The following FGD6 variants were observed in gnomAD, a reference collection of about 807,000 sequenced individuals.
FGD6 encodes the protein FYVE, RhoGEF and PH domain containing 6, also known as FYVE, RhoGEF and PH domain-containing protein 6.
A neutral mutation model predicts 149.4 loss-of-function variants in FGD6; 90 were observed. That is an observed-to-expected ratio of 0.60 (90% CI 0.51 to 0.72). FGD6 has a LOEUF of 0.72. FGD6 is among the 30% of genes least tolerant of loss of function. FGD6 has a pLI of 0.00. For missense variants in FGD6, 1,437 were observed against 1,684.8 expected (o/e 0.85, Z 2.57); for synonymous variants, 527 against 584.0 (o/e 0.90, Z 1.41).
At chr12:95,175,408 G>A (rs751567727) in intron 2 of FGD6, among the ~76,000 whole-genome samples, 1 of 152,052 alleles carries the variant, frequency 6.6e-6, no homozygotes, top group Non-Finnish European at 1.5e-5. Context: ...CCTGAACCAG[G>A]GTGGCTACAT....
chr12:95,167,642 T>C (rs1176541412), intron 3 of FGD6, among the ~76,000 whole-genome samples: 1 of 149,276 alleles, frequency 6.7e-6, no homozygotes, highest in Non-Finnish European at 1.5e-5. Flanking sequence ...TGGTGTGATC[T>C]CGGCTCACTG....
At chr12:95,090,536 C>G (rs1477426704) in intron 17 of FGD6, among the ~76,000 whole-genome samples, 1 of 152,042 alleles carries the variant, frequency 6.6e-6, no homozygotes, top group Non-Finnish European at 1.5e-5. Flanking sequence ...ATAAAATTGA[C>G]AAGAGTTACT....
Position 95,081,442 on chromosome 12 carries a change from C to G in FGD6, c.*78G>C. On this transcript the variant is annotated 3_prime_UTR_variant, in exon 21 of 21. Coordinates refer to ENST00000343958, the MANE Select transcript of FGD6 (RefSeq NM_018351.4). Reference sequence around the variant, plus strand: ...TATCTTGGCAGTGTTCATTTTTATACAATTTTTGAATTGCATTTACTCCAT... The same window carrying G: ...TATCTTGGCAGTGTTCATTTTTATAGAATTTTTGAATTGCATTTACTCCAT... 4 of 1,292,662 alleles carry G rather than the reference C, an allele frequency of 3.1e-6. No homozygotes were observed. The highest frequency in any genetic ancestry group is 4.2e-6 in the Non-Finnish European group (4 of 952,866). 80.1% of individuals were successfully genotyped at this position (1,292,662 alleles called of 1,614,324 possible).
intron 14 of FGD6, among the ~76,000 whole-genome samples, chr12:95,098,524 C>T (rs989222113): frequency 6.6e-5 from 10 of 152,282 alleles, no homozygotes; most frequent in African/African-American, 2.2e-4. Context: ...TTCTTGAGCT[C>T]GTGCCACACT....
chr12:95,112,673 C>T (rs746904752), intron 9 of FGD6, among the ~76,000 whole-genome samples: 4 of 152,216 alleles, frequency 2.6e-5, no homozygotes, highest in Admixed American at 6.5e-5. Flanking sequence ...AACACCCAAA[C>T]AGAATTAATC....
At chr12:95,113,407 A>AT (rs951556331) in intron 9 of FGD6, among the ~76,000 whole-genome samples, 4 of 150,812 alleles carry the variant, frequency 2.7e-5, no homozygotes, top group East Asian at 1.9e-4. Context: ...TAGTTTTTGT[A>AT]TTTTTTTTAG....
At chr12:95,097,665 T>C (rs1268737011) in intron 14 of FGD6, among the ~76,000 whole-genome samples, 1 of 132,936 alleles carries the variant, frequency 7.5e-6, no homozygotes, top group Non-Finnish European at 1.6e-5. Flanking sequence ...AAAAAGACCA[T>C]GCCACACCAT....
chr12:95,082,414 T>G (rs1306799358), intron 20 of FGD6, among the ~76,000 whole-genome samples: 2 of 151,922 alleles, frequency 1.3e-5, no homozygotes, highest in Non-Finnish European at 2.9e-5. Context: ...TCCCAGTACT[T>G]TGGGAGGCTG....
At chr12:95,203,413 A>G (rs1209178105) in intron 2 of FGD6, among the ~76,000 whole-genome samples, 2 of 152,110 alleles carry the variant, frequency 1.3e-5, no homozygotes, top group East Asian at 3.8e-4. Flanking sequence ...CTCCAACAGT[A>G]CCACTAAAAC....
At chr12:95,191,265 C>T (rs541732645) in intron 2 of FGD6, among the ~76,000 whole-genome samples, 12 of 152,266 alleles carry the variant, frequency 7.9e-5, no homozygotes, top group African/African-American at 2.4e-4. Flanking sequence ...TCCCACAATA[C>T]GGAAGGATGC....
rs911714148 is a variant in FGD6, at chr12:95,208,903, T to C, written c.2381A>G (p.Glu794Gly). The change falls in exon 2 of 21, where the codon GAA becomes GGA. Residue 794 changes from glutamate (E) to glycine (G), a missense_variant. Physicochemically the swap from Glu to Gly is moderately conservative, Grantham distance 98. This residue lies in a region of FGD6 where 1,055 missense variants were observed against 1,146.0 expected (regional missense o/e 0.92). Coordinates refer to ENST00000343958, the MANE Select transcript of FGD6 (RefSeq NM_018351.4). ...EDADANVYEV[E>G]EPYEAPDGQL... ...GCCATCTGGAGCTTCATACGGCTCT[T>C]CTACCTCATACACATTTGCATCAGC... 1 of 1,614,004 alleles carries C rather than the reference T, an allele frequency of 6.2e-7. No homozygotes were observed. The highest frequency in any genetic ancestry group is 1.7e-5 in the Admixed American group (1 of 59,978).
At chr12:95,174,859 G>A (rs762085904) in intron 2 of FGD6, among the ~76,000 whole-genome samples, 6 of 142,888 alleles carry the variant, frequency 4.2e-5, no homozygotes, top group Non-Finnish European at 7.5e-5. Flanking sequence ...CCCGGGAGGC[G>A]GAGCTTGCAG....
chr12:95,187,112 A>C (rs971675992), intron 2 of FGD6, among the ~76,000 whole-genome samples: 5 of 151,908 alleles, frequency 3.3e-5, no homozygotes, highest in African/African-American at 1.2e-4. Flanking sequence ...CGGGCAGATC[A>C]TGAGGTTAGG....
intron 14 of FGD6, among the ~76,000 whole-genome samples, chr12:95,097,054 C>G (rs1187573629): frequency 6.6e-6 from 1 of 152,186 alleles, no homozygotes; most frequent in East Asian, 1.9e-4. Context: ...ATATGCTGTT[C>G]TTTCATTTAA....
At chr12:95,202,202 C>A (rs1262466461) in intron 2 of FGD6, among the ~76,000 whole-genome samples, 2 of 151,836 alleles carry the variant, frequency 1.3e-5, no homozygotes, top group Non-Finnish European at 2.9e-5. Flanking sequence ...GCCTGGCCAA[C>A]ATGGTGAAAC....
intron 2 of FGD6, among the ~76,000 whole-genome samples, chr12:95,191,393 C>A (rs1170554562): frequency 6.6e-6 from 1 of 152,180 alleles, no homozygotes; most frequent in Non-Finnish European, 1.5e-5. Flanking sequence ...TAATTGCTTT[C>A]CAAAATTAAC....
chr12:95,136,350 T>G (rs993404477), intron 7 of FGD6, among the ~76,000 whole-genome samples: 1 of 151,996 alleles, frequency 6.6e-6, no homozygotes, highest in African/African-American at 2.4e-5. Flanking sequence ...AGAGCTAGAC[T>G]CCATCTCAAA....
intron 18 of FGD6, among the ~76,000 whole-genome samples, chr12:95,088,965 C>A (rs141843372): frequency 1.2e-4 from 18 of 152,162 alleles, no homozygotes; most frequent in African/African-American, 4.3e-4. Flanking sequence ...CTAGCACAGG[C>A]GGACCTCACT....
intron 3 of FGD6, among the ~76,000 whole-genome samples, chr12:95,160,498 G>T (rs897800120): frequency 4.6e-5 from 7 of 152,054 alleles, no homozygotes; most frequent in Admixed American, 4.6e-4. Flanking sequence ...AGCTATGTGA[G>T]GTATGCAAAA....
Sources: allele counts gnomAD v4.1 joint callset (sites outside exome capture counted in the v4.1 genomes callset), GRCh38; gene constraint gnomAD v4.1.1; regional missense constraint gnomAD v4.1.1; transcripts MANE v1.5; gene names NCBI Gene and HGNC (gene_info 2026-07-23, HGNC 2026-07-21).